NDUFA10: variants seen among roughly 807,000 people sequenced by gnomAD.
NDUFA10 encodes NADH dehydrogenase [ubiquinone] 1 alpha subcomplex subunit 10, mitochondrial.
NDUFA10 carries 40 observed loss-of-function variants against 47.8 expected under a neutral mutation model. The observed-to-expected ratio is 0.84, with a 90% CI of 0.65 to 1.09. The LOEUF (loss-of-function observed/expected upper bound fraction) is 1.09. NDUFA10 is among the 50% of genes least tolerant of loss of function. The probability of loss-of-function intolerance (pLI) is 0.00; values close to 1 mark genes in which losing one functional copy is unlikely to be tolerated. For synonymous variants in NDUFA10, 183 were observed against 172.2 expected (o/e 1.06, Z -0.49); for missense variants, 413 against 451.1 (o/e 0.92, Z 0.76).
chr2:239,907,582 GC>G (rs1693677633), intron 4 of NDUFA10, among the ~76,000 whole-genome samples: 1 of 152,194 alleles, frequency 6.6e-6, no homozygotes, highest in African/African-American at 2.4e-5. Context: ...CAAAAAGTGG[GC>G]GAAGGATATA....
intron 3 of NDUFA10, 64 bp downstream of exon 3, chr2:240,021,133 C>T (rs1446903149): frequency 9.2e-6 from 13 of 1,414,800 alleles, no homozygotes; most frequent in African/African-American, 1.4e-5. Context: ...GGCAATTTAA[C>T]GTGGTTGAAT....
intron 8 of NDUFA10, among the ~76,000 whole-genome samples, chr2:240,004,649 C>CTCTCCTAGTCCTG (rs1696874941): frequency 1.3e-5 from 2 of 151,968 alleles, no homozygotes; most frequent in African/African-American, 4.8e-5. Context: ...GCCTCCCCTC[C>CTCTCCTAGTCCTG]CCACACTTTT....
rs1694715938 is a variant in NDUFA10 at position 239,958,269 on chromosome 2, A to C, written c.*2849T>G. 6.6e-6 allele frequency: 1 copy of C among 152,238 alleles called. No individual in the cohort carries two copies. Among genetic ancestry groups the C allele is most frequent in the African/African-American group, 2.4e-5 (1 of 41,454 alleles). 9.4% of individuals were successfully genotyped at this position (152,238 alleles called of 1,614,324 possible). ...GTGAGCACGGACTATGCTTCTTCCC[A>C]GAAAGTAGCCGCCTGCTTGCTTCTT... is the stretch of plus-strand genomic sequence containing the variant. On this transcript the variant is annotated 3_prime_UTR_variant, in exon 10 of 10. Coordinates refer to ENST00000252711, the MANE Select transcript of NDUFA10 (RefSeq NM_004544.4).
intron 4 of NDUFA10, among the ~76,000 whole-genome samples, chr2:239,936,231 C>T (rs1244065041): frequency 2.0e-5 from 3 of 152,176 alleles, no homozygotes; most frequent in African/African-American, 4.8e-5. Context: ...AAGCAGCTTC[C>T]GGGCCCCAGG....
chr2:239,991,024 G>C (rs925854976), intron 8 of NDUFA10, among the ~76,000 whole-genome samples: 3 of 152,146 alleles, frequency 2.0e-5, no homozygotes, highest in African/African-American at 7.2e-5. Flanking sequence ...TTTCTCATTT[G>C]TAATGGCTCA....
intron 9 of NDUFA10, among the ~76,000 whole-genome samples, chr2:239,964,851 A>C (rs931832781): frequency 6.6e-6 from 1 of 152,196 alleles, no homozygotes; most frequent in African/African-American, 2.4e-5. Flanking sequence ...AATTAAGCCC[A>C]AAGAACAGAA....
Position 239,915,374 on chromosome 2 carries a change from C to CACAG in NDUFA10, c.295-20061_295-20060insCTGT, listed in dbSNP as rs1393565113. ...ACACACACAAATATACAGACACACA[C>CACAG]AGAGACAGAGATACACATACATACA... On this transcript the variant is annotated intron_variant, in intron 4 of 5. Coordinates refer to the NDUFA10 transcript ENST00000419408. 7.7e-5 allele frequency among the ~76,000 whole-genome samples: 11 copies of CACAG among 142,316 alleles called. No homozygotes were observed. In the East Asian group the frequency reaches 2.0e-3, roughly 26 times the overall value. The allele number at this position is 142,316 out of a possible 152,430, so 93.4% of individuals were successfully genotyped here. A position where few individuals can be genotyped will look rare whatever the true frequency, so the allele number is the denominator to read the frequency against.
At chr2:239,901,392 G>A (rs1693547123) in intron 4 of NDUFA10, among the ~76,000 whole-genome samples, 1 of 152,002 alleles carries the variant, frequency 6.6e-6, no homozygotes, top group South Asian at 2.1e-4. Flanking sequence ...GAATAAGAAA[G>A]CCTGGATGAC....
intron 4 of NDUFA10, among the ~76,000 whole-genome samples, chr2:240,015,204 A>G (rs61543991): frequency 0.14 from 20,929 of 152,306 alleles, 1,470 homozygotes; most frequent in South Asian, 0.15. Context: ...GACCTTAATC[A>G]TCCTAAAAGA....
chr2:239,920,849 T>G (rs564389633), intron 4 of NDUFA10, among the ~76,000 whole-genome samples: 1 of 152,090 alleles, frequency 6.6e-6, no homozygotes, highest in South Asian at 2.1e-4. Flanking sequence ...GGCGGAGGGG[T>G]GGGGTCGTCT....
chr2:239,898,071 C>A (rs554364251), intron 4 of NDUFA10, among the ~76,000 whole-genome samples: 1 of 152,318 alleles, frequency 6.6e-6, no homozygotes, highest in South Asian at 2.1e-4. Flanking sequence ...AACGGAACTG[C>A]AGGAACCAAC....
At chr2:240,013,236 A>G (rs1284384204) in intron 5 of NDUFA10, 1 of 152,258 alleles carries the variant, frequency 6.6e-6, no homozygotes, top group African/African-American at 2.4e-5. Flanking sequence ...GCATTGAAAT[A>G]AAAATCAAAA....
At chr2:239,942,116 T>A (rs1172537350) in intron 4 of NDUFA10, among the ~76,000 whole-genome samples, 1 of 152,276 alleles carries the variant, frequency 6.6e-6, no homozygotes, top group Non-Finnish European at 1.5e-5. Context: ...TTTGCCGGAC[T>A]GCCTTTGTCC....
chr2:240,018,781 A>T (rs566025366), intron 3 of NDUFA10, 142 bp from the exon 4 acceptor site: 1 of 996,154 alleles, frequency 1.0e-6, no homozygotes, highest in African/African-American at 1.6e-5. Context: ...GAACATAGAC[A>T]TATTTGTAAG....
chr2:239,904,393 G>A (rs1693610063), intron 4 of NDUFA10, among the ~76,000 whole-genome samples: 1 of 152,166 alleles, frequency 6.6e-6, no homozygotes, highest in Non-Finnish European at 1.5e-5. Context: ...TGCCTCCTGG[G>A]TTCAAGCGAT....
At chr2:239,943,908 G>A (rs1694401892) in intron 4 of NDUFA10, among the ~76,000 whole-genome samples, 1 of 152,208 alleles carries the variant, frequency 6.6e-6, no homozygotes, top group Non-Finnish European at 1.5e-5. Flanking sequence ...TGGAGCTAAA[G>A]GCATGGGGCA....
Position 240,016,314 on chromosome 2 carries a change from G to A in NDUFA10, c.548-1454C>T, listed in dbSNP as rs1697345411. ...CTGCTTCCTGACTGCTGGACCGGTA[G>A]CAGGCCGGTCTCTCCTGCTGCTGAG... On this transcript the variant is annotated intron_variant, in intron 4 of 9. Coordinates refer to ENST00000252711, the MANE Select transcript of NDUFA10 (RefSeq NM_004544.4). The surrounding 1 kb of genome is among the most constrained non-coding windows in gnomAD (Gnocchi z 4.4). 6.6e-6 allele frequency among the ~76,000 whole-genome samples: 1 copy of A among 152,168 alleles called. No homozygotes were observed. Among genetic ancestry groups the A allele is most frequent in the Non-Finnish European group, 1.5e-5 (1 of 68,022 alleles).
chr2:239,983,598 G>C lies in NDUFA10; in HGVS notation c.999+6476C>G, dbSNP rs556476516. ...GCAGCTTCCAGTGGAGACCCAGCAA[G>C]CACGACCTCAGCCAGGAGCCCACGG... is the stretch of plus-strand genomic sequence containing the variant. On this transcript the variant is annotated intron_variant, in intron 9 of 9. Coordinates refer to ENST00000252711, the MANE Select transcript of NDUFA10 (RefSeq NM_004544.4). 5.0e-6 allele frequency: 8 copies of C among 1,593,162 alleles called. No homozygotes were observed. In the Admixed American group the frequency reaches 1.4e-4, roughly 28 times the overall value.
chr2:239,916,911 C>T (rs972863292), intron 4 of NDUFA10, among the ~76,000 whole-genome samples: 2 of 152,232 alleles, frequency 1.3e-5, no homozygotes, highest in African/African-American at 2.4e-5. Flanking sequence ...GACTTGATGC[C>T]CAAGATCTGA....
Sources: gnomAD v4.1 joint callset for allele counts (sites outside exome capture counted in the v4.1 genomes callset) on GRCh38, gnomAD v4.1.1 for gene constraint, Gnocchi (gnomAD v3.1) non-coding constraint, MANE v1.5 for transcripts, NCBI Gene and HGNC (gene_info 2026-07-23, HGNC 2026-07-21) for gene names.